CYP3A4: variants seen among roughly 807,000 people sequenced by gnomAD.
CYP3A4 encodes the protein cytochrome P450 family 3 subfamily A member 4.
CYP3A4 carries 41 observed loss-of-function variants against 54.9 expected under a neutral mutation model. The observed-to-expected ratio is 0.75, with a 90% CI of 0.58 to 0.97. The LOEUF is 0.97. Ranked by LOEUF, CYP3A4 falls within the 50% of genes least tolerant of loss-of-function variation. The pLI, the probability that CYP3A4 is intolerant of heterozygous loss-of-function variation, is 0.00. For synonymous variants in CYP3A4, 179 were observed against 205.2 expected (o/e 0.87, Z 1.09); for missense variants, 510 against 597.3 (o/e 0.85, Z 1.52).
At chr7:99,782,069 CA>C (rs761316543) in intron 1 of CYP3A4, among the ~76,000 whole-genome samples, 12 of 152,228 alleles carry the variant, frequency 7.9e-5, no homozygotes, top group Non-Finnish European at 1.8e-4. Context: ...CACCATCTAC[CA>C]AAACCAGGGT....
intron 12 of CYP3A4, 46 bp from the exon 13 acceptor site, chr7:99,758,274 A>C (rs932073592): frequency 1.3e-6 from 2 of 1,592,910 alleles, no homozygotes; most frequent in Non-Finnish European, 8.6e-7. Flanking sequence ...AATAAACAAA[A>C]GTAGAAAGTA....
intron 11 of CYP3A4, among the ~76,000 whole-genome samples, 183 bp from the exon 12 acceptor site, chr7:99,761,164 C>G (rs1264132188): frequency 6.6e-6 from 1 of 152,184 alleles, no homozygotes; most frequent in African/African-American, 2.4e-5. Flanking sequence ...CAGATCCTTT[C>G]TACTCTCCTG....
At chr7:99,768,900 G>C (rs1168459443) in intron 6 of CYP3A4, among the ~76,000 whole-genome samples, 1 of 152,118 alleles carries the variant, frequency 6.6e-6, no homozygotes, top group Non-Finnish European at 1.5e-5. Context: ...GATATTGCCT[G>C]ACTGCAGACT....
chr7:99,767,250 G>C lies in CYP3A4; in HGVS notation c.679C>G (p.Pro227Ala). The change falls in exon 8 of 13, where the codon CCA (proline) becomes GCA (alanine). Residue 227 changes from proline (P) to alanine (A), a missense_variant. Pro to Ala is a conservative substitution (Grantham distance 27). Coordinates refer to ENST00000651514, the MANE Select transcript of CYP3A4 (RefSeq NM_017460.6). Reference protein sequence around the residue: ...DPFFLSITVFPFLIPILEVLN... With the variant: ...DPFFLSITVFAFLIPILEVLN... ...ACTTCAAGAATTGGGATGAGGAATG[G>C]AAAGACTGCTGTAGGAAAAACAAAA... The C allele has an allele frequency of 6.3e-7, 1 of 1,586,456 alleles. No homozygotes were observed. Among genetic ancestry groups the C allele is most frequent in the Non-Finnish European group, 8.5e-7 (1 of 1,171,784 alleles).
At chr7:99,778,114 A>G in intron 2 of CYP3A4, 34 bp from the exon 3 acceptor site, 2 of 1,547,714 alleles carry the variant, frequency 1.3e-6, no homozygotes, top group Non-Finnish European at 1.8e-6. Flanking sequence ...TTTGATTATT[A>G]TTTTTAATGT....
chr7:99,773,074 A>C (rs1254525365), intron 3 of CYP3A4, among the ~76,000 whole-genome samples: 1 of 152,190 alleles, frequency 6.6e-6, no homozygotes, highest in Non-Finnish European at 1.5e-5. Flanking sequence ...ATATTAAACC[A>C]ACAAAGATCA....
intron 4 of CYP3A4, among the ~76,000 whole-genome samples, chr7:99,772,339 C>T (rs184563753): frequency 6.6e-6 from 1 of 152,230 alleles, no homozygotes; most frequent in East Asian, 1.9e-4. Context: ...AATGAGGGCA[C>T]ATAAAGCTGG....
intron 3 of CYP3A4, among the ~76,000 whole-genome samples, chr7:99,775,276 T>G (rs983543266): frequency 6.6e-6 from 1 of 152,070 alleles, no homozygotes; most frequent in African/African-American, 2.4e-5. Context: ...CCAAGGTAAT[T>G]TATAGATTCA....
chr7:99,760,700 C>A (rs1815296895), intron 12 of CYP3A4, 119 bp downstream of exon 12: 3 of 1,339,506 alleles, frequency 2.2e-6, no homozygotes, highest in South Asian at 1.4e-5. Context: ...CTAATTGATT[C>A]TTTGGCCCAG....
intron 4 of CYP3A4, among the ~76,000 whole-genome samples, chr7:99,771,693 C>A (rs1815637361): frequency 6.6e-6 from 1 of 152,138 alleles, no homozygotes; most frequent in Admixed American, 6.6e-5. Flanking sequence ...TGGGAAGAAT[C>A]ACTCTACACG....
At position 99,762,032 on chromosome 7, in the gene CYP3A4, G is replaced by T. The variant is rs35723517; in HGVS notation, c.1253+9C>A. The T allele has an allele frequency of 4.2e-5, 67 of 1,613,406 alleles. No individual in the cohort carries two copies. Among genetic ancestry groups the T allele is most frequent in the Non-Finnish European group, 5.4e-5 (64 of 1,179,496 alleles). On this transcript the variant is annotated intron_variant, in intron 11 of 12. Transcript: ENST00000651514. ...TTCAGGGAGGGCTCCCTTCCCAGGG[G>T]CCTTGTACCTTTCAGGGAGGAACTT...
chr7:99,757,748 AAT>A lies in CYP3A4; in HGVS notation c.*383_*384del, dbSNP rs1815214740. Reference sequence around the variant, plus strand: ...TACTCCAGAGAAAACATGTGATATAAATGTCATTGTTAGAGCCATCAAAATAA... The same window carrying A: ...TACTCCAGAGAAAACATGTGATATAAGTCATTGTTAGAGCCATCAAAATAA... On this transcript the variant is annotated 3_prime_UTR_variant, in exon 13 of 13. Coordinates refer to ENST00000651514, the MANE Select transcript of CYP3A4 (RefSeq NM_017460.6). 1 of 194,604 alleles carries A rather than the reference AAT, an allele frequency of 5.1e-6. No individual in the cohort carries two copies. The highest frequency in any genetic ancestry group is 1.2e-4 in the East Asian group (1 of 8,104). The allele number at this position is 194,604 out of a possible 1,614,324, so 12.1% of individuals were successfully genotyped here.
chr7:99,764,115 G>A (rs1815418923), intron 9 of CYP3A4, 100 bp from the exon 10 acceptor site: 2 of 1,527,938 alleles, frequency 1.3e-6, no homozygotes, highest in Admixed American at 3.5e-5. Flanking sequence ...ATCCCTAAGG[G>A]AAAAGAATAG....
chr7:99,766,327 G>C lies in CYP3A4; in HGVS notation c.865+50C>G, dbSNP rs1815475994. On this transcript the variant is annotated intron_variant, in intron 9 of 12. Coordinates refer to ENST00000651514, the MANE Select transcript of CYP3A4 (RefSeq NM_017460.6). ...ACTTCCTGCACATTTTCAGAACAAG[G>C]CCTTCCCTCTGAGTGCCCCACAAGT... 1.9e-6 allele frequency: 3 copies of C among 1,593,266 alleles called. No homozygotes were observed. In the South Asian group the frequency reaches 3.3e-5, roughly 18 times the overall value.
chr7:99,774,308 T>C (rs1815703629), intron 3 of CYP3A4, among the ~76,000 whole-genome samples: 1 of 152,108 alleles, frequency 6.6e-6, no homozygotes, highest in Admixed American at 6.5e-5. Flanking sequence ...TTCTGAACAA[T>C]AGAAAAGGAG....
intron 7 of CYP3A4, among the ~76,000 whole-genome samples, 197 bp downstream of exon 7, chr7:99,768,156 TA>T (rs1332110044): frequency 3.9e-5 from 6 of 152,180 alleles, no homozygotes; most frequent in Non-Finnish European, 7.3e-5. Flanking sequence ...GGCTGATAGC[TA>T]AAAATGTATG....
At chr7:99,765,412 A>G (rs773660881) in intron 9 of CYP3A4, among the ~76,000 whole-genome samples, 1 of 152,206 alleles carries the variant, frequency 6.6e-6, no homozygotes, top group Non-Finnish European at 1.5e-5. Context: ...GATGATAGAT[A>G]GATAATATAT....
At chr7:99,767,043 C>T (rs936722184) in intron 8 of CYP3A4, 88 bp downstream of exon 8, 1 of 1,242,750 alleles carries the variant, frequency 8.0e-7, no homozygotes, top group South Asian at 1.4e-5. Flanking sequence ...TCTTTAAAAA[C>T]ATACAGGTAA....
At position 99,772,630 on chromosome 7, in the gene CYP3A4, A is replaced by C; in HGVS notation, c.278T>G (p.Val93Gly). Residue 93 changes from valine to glycine, a missense_variant, in exon 4 of 13, where the codon GTG (valine) becomes GGG (glycine). By Grantham distance (109) the Val-to-Gly change is moderately radical. This residue lies in a region of CYP3A4 where 272 missense variants were observed against 274.9 expected (regional missense o/e 0.99). Coordinates refer to ENST00000651514, the MANE Select transcript of CYP3A4 (RefSeq NM_017460.6). ...AITDPDMIKT[V>G]LVKECYSVFT... ...GACAGAATAACATTCTTTCACTAGC[A>C]CTGTTTTGATCATGTCAGGATCTGT... The C allele has an allele frequency of 6.2e-7, 1 of 1,613,458 alleles. No homozygotes were observed. Among genetic ancestry groups the C allele is most frequent in the Non-Finnish European group, 8.5e-7 (1 of 1,179,534 alleles).
Sources: gnomAD v4.1 joint callset for allele counts (sites outside exome capture counted in the v4.1 genomes callset) on GRCh38, gnomAD v4.1.1 for gene constraint, gnomAD v4.1.1 regional missense constraint, MANE v1.5 for transcripts, NCBI Gene and HGNC (gene_info 2026-07-23, HGNC 2026-07-21) for gene names.